The following PIN4 variants were observed in gnomAD, a reference collection of about 807,000 sequenced individuals.
The protein encoded by PIN4 is peptidyl-prolyl cis-trans isomerase NIMA-interacting 4.
PIN4 carries 3 observed loss-of-function variants against 8.3 expected under a neutral mutation model. That is an observed-to-expected ratio of 0.36 (90% confidence interval 0.16 to 0.93). The LOEUF (loss-of-function observed/expected upper bound fraction) is 0.93, where lower values mean the gene tolerates loss of function less well. Among genes scored for constraint, PIN4 ranks in the 40% least tolerant of loss-of-function variants. The probability of loss-of-function intolerance (pLI) is 0.44; values close to 1 mark genes in which losing one functional copy is unlikely to be tolerated. For missense variants in PIN4, 75 were observed against 100.6 expected, an observed-to-expected ratio of 0.75 and a Z score of 1.09; for synonymous variants, 18 against 32.5, an observed-to-expected ratio of 0.55 and a Z score of 1.52.
chrX:72,197,336 A>T, intron 3 of PIN4, 32 bp from the exon 4 acceptor site: 1 of 1,173,218 alleles, frequency 8.5e-7, no homozygotes, highest in South Asian at 1.9e-5. Context: ...CTTCTGGGCC[A>T]CTTGATATCA....
At chrX:72,187,197 G>C (rs1306740518) in intron 2 of PIN4, among the ~76,000 whole-genome samples, 1 of 111,963 alleles carries the variant, frequency 8.9e-6, no homozygotes, top group East Asian at 2.8e-4. Flanking sequence ...AAGGGTGCAG[G>C]TCTCTTTAGA....
chrX:72,202,560 G>A (rs931645193), downstream of PIN4, among the ~76,000 whole-genome samples: 2 of 111,766 alleles, frequency 1.8e-5, no homozygotes, highest in Non-Finnish European at 3.8e-5. Context: ...TGTGTAGGGC[G>A]CAGCTACTCC....
chrX:72,246,841 T>C (rs1191965818), intron 3 of PIN4, among the ~76,000 whole-genome samples: 2 of 112,126 alleles, frequency 1.8e-5, no homozygotes, highest in African/African-American at 3.2e-5. Context: ...GCCTTTATCA[T>C]TGGGTTTATT....
intron 3 of PIN4, among the ~76,000 whole-genome samples, chrX:72,231,338 G>A (rs1453736017): frequency 9.0e-6 from 1 of 111,504 alleles, no homozygotes; most frequent in African/African-American, 3.3e-5. Context: ...AATACTCCAT[G>A]ATCTCGCTTA....
At chrX:72,182,954 C>A (rs761532171) in intron 1 of PIN4, among the ~76,000 whole-genome samples, 4 of 111,734 alleles carry the variant, frequency 3.6e-5, no homozygotes, top group Non-Finnish European at 5.6e-5. Flanking sequence ...TCAGAAAGAC[C>A]TGTAAGGAGA....
intron 3 of PIN4, among the ~76,000 whole-genome samples, chrX:72,250,225 G>A (rs1300512897): frequency 9.1e-6 from 1 of 110,241 alleles, no homozygotes; most frequent in Non-Finnish European, 1.9e-5. Context: ...AAAACATAAA[G>A]GCACTGAATT....
chrX:72,253,078 G>A (rs2043094423), intron 3 of PIN4, among the ~76,000 whole-genome samples: 1 of 111,416 alleles, frequency 9.0e-6, no homozygotes, highest in African/African-American at 3.3e-5. Flanking sequence ...AACTTGACCT[G>A]CCCTGGTTTT....
chrX:72,193,551 T>TA (rs202168786), intron 2 of PIN4, among the ~76,000 whole-genome samples: 15 of 107,499 alleles, frequency 1.4e-4, no homozygotes, highest in Non-Finnish European at 2.3e-4. Context: ...GTTTAAAAAT[T>TA]AAAAAAAAAA....
chrX:72,199,366 C>T (rs921337798), downstream of PIN4, among the ~76,000 whole-genome samples: 2 of 111,200 alleles, frequency 1.8e-5, no homozygotes, highest in South Asian at 3.8e-4. Context: ...GGTAAAACCC[C>T]GTTTCTACTA....
intron 3 of PIN4, among the ~76,000 whole-genome samples, chrX:72,222,137 C>T (rs1402874923): frequency 9.0e-6 from 1 of 110,848 alleles, no homozygotes; most frequent in South Asian, 3.8e-4. Flanking sequence ...TCTCCCTCTC[C>T]GGGAAGTGGC....
At chrX:72,206,667 C>A (rs1011347533) in intron 3 of PIN4, 9 of 1,211,237 alleles carry the variant, frequency 7.4e-6, no homozygotes, top group Non-Finnish European at 1.0e-5. Flanking sequence ...CTTTCTGAAC[C>A]CTTTGTTGAA....
rs374124933 is a variant in PIN4, at chrX:72,207,989, T to C, written c.312+11085T>C. 1.7e-6 allele frequency: 2 copies of C among 1,209,119 alleles called. No homozygotes were observed. Among genetic ancestry groups the C allele is most frequent in the East Asian group, 3.0e-5 (1 of 33,769 alleles). On this transcript the variant is annotated intron_variant, in intron 3 of 3. Transcript: ENST00000423432. The stretch of plus-strand genomic sequence containing the variant: ...CATAGTTCTTGTAAATTATTCTGGA[T>C]TGGGGTTCCTGTGAGGAGGAGGCGA...
At chrX:72,201,326 G>A (rs1376373716), downstream of PIN4, among the ~76,000 whole-genome samples, 3 of 112,562 alleles carry the variant, frequency 2.7e-5, no homozygotes, top group African/African-American at 9.7e-5. Flanking sequence ...AGTGGCTCAC[G>A]CCTGTAATCC....
At chrX:72,252,265 A>AT (rs1186679647) in intron 3 of PIN4, among the ~76,000 whole-genome samples, 2 of 109,922 alleles carry the variant, frequency 1.8e-5, no homozygotes, top group African/African-American at 6.6e-5. Flanking sequence ...AGCTATTTTT[A>AT]TTTTTTATTT....
At chrX:72,239,052 A>C (rs1237690924) in intron 3 of PIN4, 10 of 579,986 alleles carry the variant, frequency 1.7e-5, no homozygotes, top group Non-Finnish European at 2.6e-5. Context: ...GGAGAGGGAC[A>C]CAGCCAACCG....
chrX:72,248,702 C>A (rs1407080317), intron 3 of PIN4, among the ~76,000 whole-genome samples: 3 of 111,548 alleles, frequency 2.7e-5, no homozygotes, highest in Non-Finnish European at 5.7e-5. Context: ...CATAGTGAAA[C>A]CCTGTCTCTA....
At chrX:72,195,033 TTTG>T (rs2042757259) in intron 2 of PIN4, among the ~76,000 whole-genome samples, 1 of 111,501 alleles carries the variant, frequency 9.0e-6, no homozygotes, top group Admixed American at 9.6e-5. Flanking sequence ...ACCATCTAGG[TTTG>T]TGTAAGTACA....
In PIN4 at chrX:72,250,201, G is replaced by A. The variant is rs149360346; in HGVS notation, c.313-12506G>A. On this transcript the variant is annotated intron_variant, in intron 3 of 3. Transcript: ENST00000423432. ...TAAGTGCATACCAATATATCTCAAA[G>A]GTTGTTTCATATCAAAACATAAAGG... 7.0e-3 allele frequency among the ~76,000 whole-genome samples: 767 copies of A among 110,001 alleles called. 4 individuals are homozygous for A. Among genetic ancestry groups the A allele is most frequent in the Non-Finnish European group, 0.011 (598 of 52,763 alleles).
intron 2 of PIN4, among the ~76,000 whole-genome samples, chrX:72,195,676 T>G (rs1220140407): frequency 9.0e-6 from 1 of 110,944 alleles, no homozygotes; most frequent in African/African-American, 3.3e-5. Context: ...AGCAGGTTTT[T>G]TCTTATCCTC....
Sources: allele counts gnomAD v4.1 joint callset (sites outside exome capture counted in the v4.1 genomes callset), GRCh38; gene constraint gnomAD v4.1.1; transcripts MANE v1.5; gene names NCBI Gene and HGNC (gene_info 2026-07-23, HGNC 2026-07-21).